Variants in ZNF131 observed in about 807,000 individuals in gnomAD.
ZNF131 encodes zinc finger protein 131.
In ZNF131, 7 loss-of-function variants were observed where a neutral mutation model predicts 60.0. The ratio of observed to expected loss-of-function variants is 0.12; its 90% CI spans 0.07 to 0.22. The LOEUF is 0.22. ZNF131 is among the 10% of genes least tolerant of loss of function. ZNF131 has a pLI of 1.00. For synonymous variants in ZNF131, 257 were observed against 253.2 expected, an observed-to-expected ratio of 1.01 and a Z score of -0.14; for missense variants, 493 against 740.9, an observed-to-expected ratio of 0.67 and a Z score of 3.88.
At chr5:43,137,170 C>T (rs752148712) in intron 3 of ZNF131, among the ~76,000 whole-genome samples, 1 of 152,048 alleles carries the variant, frequency 6.6e-6, no homozygotes, top group Non-Finnish European at 1.5e-5. Context: ...GTGGATGTGA[C>T]GTCAAAAGCA....
intron 5 of ZNF131, among the ~76,000 whole-genome samples, chr5:43,166,582 G>A (rs1258021179): frequency 2.6e-5 from 4 of 151,858 alleles, no homozygotes; most frequent in East Asian, 3.9e-4. Flanking sequence ...GGATGGTCTC[G>A]ATCTCTTGAC....
intron 4 of ZNF131, among the ~76,000 whole-genome samples, chr5:43,150,512 G>C (rs1293649047): frequency 3.9e-5 from 6 of 151,990 alleles, no homozygotes; most frequent in African/African-American, 1.4e-4. Flanking sequence ...GGACCTGGCT[G>C]GGTGCGGTGG....
chr5:43,123,330 T>A lies in ZNF131; in HGVS notation c.226+20T>A. 6.4e-7 allele frequency: 1 copy of A among 1,568,424 alleles called. No individual in the cohort carries two copies. The highest frequency in any genetic ancestry group is 8.6e-7 in the Non-Finnish European group (1 of 1,160,110). ...TAGAAGGTAAATGATTCTTGTTGTT[T>A]TTTTATTTAATAAATCAAAGAAGCC... On this transcript the variant is annotated intron_variant, in intron 3 of 6. Coordinates refer to ENST00000682664, the MANE Select transcript of ZNF131 (RefSeq NM_001330707.2).
chr5:43,138,351 G>A (rs903384025), intron 3 of ZNF131, among the ~76,000 whole-genome samples: 7 of 152,120 alleles, frequency 4.6e-5, no homozygotes, highest in African/African-American at 1.7e-4. Context: ...CAACTAGGAG[G>A]GTGTTAATAA....
intron 4 of ZNF131, among the ~76,000 whole-genome samples, chr5:43,151,921 C>A (rs908867312): frequency 2.0e-5 from 3 of 152,180 alleles, no homozygotes; most frequent in African/African-American, 7.2e-5. Flanking sequence ...AGTCTCCTTT[C>A]CCAGTTCAAT....
At chr5:43,129,880 A>G (rs1333972525) in intron 3 of ZNF131, among the ~76,000 whole-genome samples, 1 of 151,204 alleles carries the variant, frequency 6.6e-6, no homozygotes, top group African/African-American at 2.4e-5. Context: ...CTGGCCTCAA[A>G]CTCCTGACCT....
chr5:43,135,586 C>A (rs1243888068), intron 3 of ZNF131, among the ~76,000 whole-genome samples: 1 of 150,180 alleles, frequency 6.7e-6, no homozygotes, highest in South Asian at 2.1e-4. Flanking sequence ...CTGTCTCTTC[C>A]GGAAAAAAAT....
intron 5 of ZNF131, among the ~76,000 whole-genome samples, chr5:43,169,397 A>G (rs1335679847): frequency 6.6e-6 from 1 of 152,238 alleles, no homozygotes; most frequent in Admixed American, 6.5e-5. Context: ...TCTCGTTTCT[A>G]CTCAGGTAGA....
At chr5:43,168,770 G>A (rs1750644934) in intron 5 of ZNF131, among the ~76,000 whole-genome samples, 1 of 152,198 alleles carries the variant, frequency 6.6e-6, no homozygotes, top group South Asian at 2.1e-4. Flanking sequence ...AGAATGGGAG[G>A]TTGGGTAAAG....
chr5:43,173,806 A>C (rs984894958), intron 6 of ZNF131, among the ~76,000 whole-genome samples: 1 of 152,156 alleles, frequency 6.6e-6, no homozygotes, highest in Admixed American at 6.5e-5. Context: ...ACATTATTTG[A>C]TATAAAAATA....
intron 3 of ZNF131, among the ~76,000 whole-genome samples, chr5:43,136,476 CTTTTTTTTT>C (rs70991484): frequency 0.082 from 5,772 of 70,192 alleles, 302 homozygotes; most frequent in African/African-American, 0.22. Context: ...AGGCATCATA[CTTTTTTTTT>C]TTTTTTTTTT....
At chr5:43,133,365 T>C (rs1251270892) in intron 3 of ZNF131, among the ~76,000 whole-genome samples, 1 of 152,116 alleles carries the variant, frequency 6.6e-6, no homozygotes, top group East Asian at 1.9e-4. Context: ...CTCGGGAGCC[T>C]GAGGCAGGAG....
chr5:43,124,887 G>C (rs1744317864), intron 3 of ZNF131: 1 of 152,110 alleles, frequency 6.6e-6, no homozygotes. Flanking sequence ...ATTATTAGCT[G>C]AGTCTGATGG....
rs115749745 is a variant in ZNF131, at chr5:43,133,843, A to G, written c.227-5322A>G. Among the ~76,000 whole-genome samples, 889 of 152,360 alleles carry G rather than the reference A, an allele frequency of 5.8e-3. 8 individuals carry two copies. The highest frequency in any genetic ancestry group is 9.6e-3 in the Non-Finnish European group (653 of 68,032). The stretch of plus-strand genomic sequence containing the variant: ...AATGGATTAAATAATGCAGGAATGG[A>G]AAGTGTGAACAGATGTACAACTGCT... On this transcript the variant is annotated intron_variant, in intron 3 of 6. Transcript: ENST00000682664.
Position 43,175,135 on chromosome 5 carries a change from A to G in ZNF131, c.*2A>G, listed in dbSNP as rs760735508. On this transcript the variant is annotated 3_prime_UTR_variant, in exon 7 of 7. Transcript: ENST00000682664. The stretch of plus-strand genomic sequence containing the variant: ...ACAGCTCTGCCAGTTTTAGAATGAA[A>G]TTACACATGAATATATTTTTAAATT... 9 of 1,600,398 alleles carry G rather than the reference A, an allele frequency of 5.6e-6. No individual in the cohort carries two copies. Among genetic ancestry groups the G allele is most frequent in the Non-Finnish European group, 7.7e-6 (9 of 1,174,478 alleles).
intron 4 of ZNF131, among the ~76,000 whole-genome samples, chr5:43,146,787 T>C (rs1393079544): frequency 6.6e-6 from 1 of 151,760 alleles, no homozygotes; most frequent in African/African-American, 2.4e-5. Flanking sequence ...GCGCCTATAG[T>C]CCCAGCTACT....
At chr5:43,159,359 T>A (rs1374540914) in intron 4 of ZNF131, among the ~76,000 whole-genome samples, 3 of 152,098 alleles carry the variant, frequency 2.0e-5, no homozygotes, top group Non-Finnish European at 2.9e-5. Flanking sequence ...CGTCTTTTAC[T>A]GAGTTTACTG....
chr5:43,145,636 G>A (rs1423222494), intron 4 of ZNF131, among the ~76,000 whole-genome samples: 1 of 151,936 alleles, frequency 6.6e-6, no homozygotes, highest in African/African-American at 2.4e-5. Context: ...CAGCCTGGGT[G>A]ACAGAGTGAG....
chr5:43,161,212 T>C, intron 4 of ZNF131, 37 bp from the exon 5 acceptor site: 5 of 1,527,548 alleles, frequency 3.3e-6, no homozygotes, highest in Non-Finnish European at 4.4e-6. Context: ...TAGGATCTTC[T>C]TATAGATTTT....
Sources: allele counts gnomAD v4.1 joint callset (sites outside exome capture counted in the v4.1 genomes callset), GRCh38; gene constraint gnomAD v4.1.1; transcripts MANE v1.5; gene names NCBI Gene and HGNC (gene_info 2026-07-23, HGNC 2026-07-21).